Variants in EDAR observed in about 807,000 individuals in gnomAD.
The protein encoded by EDAR is ectodysplasin A receptor.
EDAR carries 38 observed loss-of-function variants against 51.3 expected under a neutral mutation model. The observed-to-expected ratio is 0.74, with a 90% CI of 0.57 to 0.97. The LOEUF is 0.97. Ranked by LOEUF, EDAR falls within the 50% of genes least tolerant of loss-of-function variation. EDAR has a pLI of 0.00. For synonymous variants in EDAR, 227 were observed against 242.1 expected, an observed-to-expected ratio of 0.94 and a Z score of 0.58; for missense variants, 528 against 595.0, an observed-to-expected ratio of 0.89 and a Z score of 1.17.
chr2:108,939,332 G>C (rs539266185), intron 1 of EDAR, among the ~76,000 whole-genome samples: 3 of 151,886 alleles, frequency 2.0e-5, no homozygotes, highest in Admixed American at 1.3e-4. Flanking sequence ...GACTACAGGC[G>C]TGCGCCACCA....
At chr2:108,942,554 C>G (rs1379983128) in intron 1 of EDAR, among the ~76,000 whole-genome samples, 2 of 152,264 alleles carry the variant, frequency 1.3e-5, no homozygotes, top group East Asian at 3.9e-4. Context: ...CCGTCTCCCT[C>G]CCGTTCTAGA....
At chr2:108,927,318 G>A (rs190364952) in intron 4 of EDAR, among the ~76,000 whole-genome samples, 3 of 152,318 alleles carry the variant, frequency 2.0e-5, no homozygotes, top group East Asian at 3.9e-4. Context: ...CAAGATTCCA[G>A]CACTGGAAAG....
Position 108,930,143 on chromosome 2 carries a change from C to T in EDAR, c.151G>A (p.Gly51Arg). ...ACCAGGTAGGGCTCCTCTCCCGGCC[C>T]ACACGGGGGGCACTCCTGGCACAGC... The part of the protein sequence containing the change: ...TGLCQECPPC[G>R]PGEEPYLSCG... The change falls in exon 3 of 12, where the codon GGG becomes AGG. Residue 51 changes from glycine to arginine, a missense_variant. Gly to Arg is a moderately radical substitution (Grantham distance 125, BLOSUM62 -2). Transcript: ENST00000258443. 1 of 1,613,980 alleles carries T rather than the reference C, an allele frequency of 6.2e-7. No individual in the cohort carries two copies. Among genetic ancestry groups the T allele is most frequent in the Non-Finnish European group, 8.5e-7 (1 of 1,180,008 alleles).
intron 1 of EDAR, among the ~76,000 whole-genome samples, chr2:108,933,512 A>G (rs1016182877): frequency 2.0e-5 from 3 of 152,166 alleles, no homozygotes; most frequent in African/African-American, 7.2e-5. Flanking sequence ...CTGTTGGCCC[A>G]GTCACCTTGG....
At chr2:108,914,642 T>C (rs1574375293) in intron 5 of EDAR, among the ~76,000 whole-genome samples, 1 of 152,318 alleles carries the variant, frequency 6.6e-6, no homozygotes, top group South Asian at 2.1e-4. Context: ...CAACCTTCTT[T>C]TGGGCCAGAC....
At chr2:108,980,398 G>T (rs1278970991) in intron 1 of EDAR, among the ~76,000 whole-genome samples, 1 of 151,960 alleles carries the variant, frequency 6.6e-6, no homozygotes, top group Non-Finnish European at 1.5e-5. Context: ...ACGCCCTGCC[G>T]CTCACCTCAG....
chr2:108,902,531 T>C (rs967835645), intron 11 of EDAR, among the ~76,000 whole-genome samples: 9 of 152,204 alleles, frequency 5.9e-5, no homozygotes, highest in Admixed American at 5.9e-4. Context: ...TCCTAACTTA[T>C]TCTATGAGGG....
At chr2:108,905,380 C>A (rs1329089725) in intron 11 of EDAR, among the ~76,000 whole-genome samples, 1 of 152,218 alleles carries the variant, frequency 6.6e-6, no homozygotes, top group African/African-American at 2.4e-5. Flanking sequence ...TGACCTGGGG[C>A]ATGCGTTTAT....
intron 1 of EDAR, among the ~76,000 whole-genome samples, chr2:108,936,479 CG>C (rs3215127): frequency 0.83 from 125,778 of 151,990 alleles, 54,355 homozygotes; most frequent in Middle Eastern, 0.92. Context: ...GAGCTGGCTG[CG>C]GGCTCCCTGC....
chr2:108,960,904 C>T (rs1698025887), intron 1 of EDAR, among the ~76,000 whole-genome samples: 1 of 152,136 alleles, frequency 6.6e-6, no homozygotes, highest in Admixed American at 6.5e-5. Flanking sequence ...CAAGAGTATC[C>T]CCTAAGGCTG....
intron 11 of EDAR, among the ~76,000 whole-genome samples, chr2:108,900,448 G>A (rs1696678141): frequency 6.6e-6 from 1 of 152,022 alleles, no homozygotes; most frequent in African/African-American, 2.4e-5. Flanking sequence ...CAACTACTTG[G>A]GAGGCTGAGG....
At chr2:108,943,392 T>C (rs1204168158) in intron 1 of EDAR, among the ~76,000 whole-genome samples, 3 of 152,202 alleles carry the variant, frequency 2.0e-5, no homozygotes, top group Non-Finnish European at 4.4e-5. Context: ...ATTCTTTATA[T>C]AGTTAAATTA....
chr2:108,894,491 A>AGAT lies in EDAR; in HGVS notation c.*2413_*2415dup, dbSNP rs1696540936. On this transcript the variant is annotated 3_prime_UTR_variant, in exon 12 of 12. Coordinates refer to ENST00000258443, the MANE Select transcript of EDAR (RefSeq NM_022336.4). ...ATAAATCTTATTAATGTGTTTATTG[A>AGAT]GATTATAAAATATAATAAGTTATAT... is the stretch of plus-strand genomic sequence containing the variant. 1 of 152,560 alleles carries AGAT rather than the reference A, an allele frequency of 6.6e-6. No individual in the cohort carries two copies. Among genetic ancestry groups the AGAT allele is most frequent in the Non-Finnish European group, 1.5e-5 (1 of 68,042 alleles). 9.5% of individuals were successfully genotyped at this position (152,560 alleles called of 1,614,324 possible). A position where few individuals can be genotyped will look rare whatever the true frequency, so the allele number is the denominator to read the frequency against.
intron 11 of EDAR, among the ~76,000 whole-genome samples, chr2:108,905,604 C>G (rs1325364077): frequency 6.6e-6 from 1 of 152,072 alleles, no homozygotes; most frequent in Non-Finnish European, 1.5e-5. Context: ...TCCCGCTGCC[C>G]GGCCAGATCA....
chr2:108,978,807 A>C (rs972337815), intron 1 of EDAR, among the ~76,000 whole-genome samples: 1 of 152,208 alleles, frequency 6.6e-6, no homozygotes, highest in Non-Finnish European at 1.5e-5. Flanking sequence ...TTCTGAAAGC[A>C]GGAGGGCACC....
intron 1 of EDAR, among the ~76,000 whole-genome samples, chr2:108,983,203 C>T (rs1043436089): frequency 2.6e-5 from 4 of 152,186 alleles, no homozygotes; most frequent in Non-Finnish European, 2.9e-5. Context: ...CCAAAGTGTA[C>T]ACTCTGATTT....
intron 1 of EDAR, among the ~76,000 whole-genome samples, chr2:108,959,709 T>G (rs994919484): frequency 2.0e-5 from 3 of 151,932 alleles, no homozygotes; most frequent in Non-Finnish European, 4.4e-5. Context: ...CAGTGGAGAT[T>G]TCGCCTTTCC....
At chr2:108,930,760 G>A (rs1697352649) in intron 2 of EDAR, among the ~76,000 whole-genome samples, 1 of 152,154 alleles carries the variant, frequency 6.6e-6, no homozygotes, top group Non-Finnish European at 1.5e-5. Flanking sequence ...ACCCTATGAA[G>A]GGAGCTACCA....
intron 1 of EDAR, among the ~76,000 whole-genome samples, chr2:108,958,499 T>G (rs867682648): frequency 8.6e-5 from 13 of 151,652 alleles, no homozygotes; most frequent in Middle Eastern, 3.5e-3. Context: ...GTGCGTTTGT[T>G]CAGGCAGGGG....
Sources: gnomAD v4.1 joint callset for allele counts (sites outside exome capture counted in the v4.1 genomes callset) on GRCh38, gnomAD v4.1.1 for gene constraint, MANE v1.5 for transcripts, NCBI Gene and HGNC (gene_info 2026-07-23, HGNC 2026-07-21) for gene names.